MUC12: variants seen among roughly 807,000 people sequenced by gnomAD.
MUC12 encodes the protein mucin-12.
MUC12 carries 172 observed loss-of-function variants against 230.8 expected under a neutral mutation model. That is an observed-to-expected ratio of 0.75 (90% CI 0.66 to 0.85). The LOEUF (loss-of-function observed/expected upper bound fraction) is 0.85, where lower values mean the gene tolerates loss of function less well. Among genes scored for constraint, MUC12 ranks in the 40% least tolerant of loss-of-function variants. MUC12 has a pLI of 0.00. For missense variants in MUC12, 3,506 were observed against 5,920.6 expected (o/e 0.59, Z 13.38); for synonymous variants, 1,259 against 2,401.9 (o/e 0.52, Z 13.91).
chr7:100,981,350 T>G, intron 1 of MUC12: 1 of 611,474 alleles, frequency 1.6e-6, no homozygotes, highest in Non-Finnish European at 2.9e-6. Flanking sequence ...CAGAGCATGG[T>G]TCCCTTGTCC....
intron 1 of MUC12, among the ~76,000 whole-genome samples, chr7:100,987,528 A>G (rs1290625697): frequency 6.6e-6 from 1 of 152,160 alleles, no homozygotes; most frequent in Non-Finnish European, 1.5e-5. Flanking sequence ...TCCTCACCCA[A>G]ATCTCATGTT....
intron 5 of MUC12, 32 bp from the exon 6 acceptor site, chr7:101,012,264 T>C (rs1793848663): frequency 6.5e-7 from 1 of 1,534,904 alleles, no homozygotes; most frequent in Non-Finnish European, 8.7e-7. Flanking sequence ...GGTGGTGACA[T>C]GGGTAACTGA....
Position 101,004,614 on chromosome 7 carries a change from C to A in MUC12, c.14051C>A (p.Thr4684Lys). 8.5e-6 allele frequency: 13 copies of A among 1,536,840 alleles called. No homozygotes were observed. Among genetic ancestry groups the A allele is most frequent in the Non-Finnish European group, 1.1e-5 (13 of 1,146,142 alleles). The part of the protein sequence containing the change: ...STTSGRSEES[T>K]ASHSSPDTNG... ...ACCTCCGGCCGTAGTGAGGAATCAA[C>A]AGCATCCCACAGCAGCCCAGATACA... is the stretch of plus-strand genomic sequence containing the variant. Residue 4684 changes from threonine (T) to lysine (K), a missense_variant, in exon 2 of 12, where the codon ACA (threonine) becomes AAA (lysine). Physicochemically the swap from Thr to Lys is moderately conservative, Grantham distance 78. Transcript: ENST00000536621.
intron 9 of MUC12, 128 bp downstream of exon 9, chr7:101,014,202 G>C (rs1584848234): frequency 8.7e-7 from 1 of 1,150,840 alleles, no homozygotes; most frequent in Non-Finnish European, 1.2e-6. Context: ...GAGGCCAGAT[G>C]GGGTGCCCAG....
At position 100,995,875 on chromosome 7, in the gene MUC12, C is replaced by T. The variant is rs779049768; in HGVS notation, c.5312C>T (p.Ala1771Val). 74 of 1,424,972 alleles carry T rather than the reference C, an allele frequency of 5.2e-5. No individual in the cohort carries two copies. Among genetic ancestry groups the T allele is most frequent in the Middle Eastern group, 2.1e-4 (1 of 4,664 alleles). 88.3% of individuals were successfully genotyped at this position (1,424,972 alleles called of 1,614,324 possible). The change falls in exon 2 of 12, where the codon GCG (alanine) becomes GTG (valine). Residue 1771 changes from alanine to valine, a missense_variant. Coordinates refer to ENST00000536621, the MANE Select transcript of MUC12 (RefSeq NM_001164462.2). ...TTSGLVEEST[A>V]YHSSPGSTQT... ...TCAGGCCTCGTTGAAGAATCTACGG[C>T]GTACCACAGCAGCCCGGGCTCAACT...
Position 100,991,656 on chromosome 7 carries a change from C to G in MUC12, c.1093C>G (p.Pro365Ala). Reference protein sequence around the residue: ...VEESTAYHRSPGSTQTMHFPE... With the variant: ...VEESTAYHRSAGSTQTMHFPE... The stretch of plus-strand genomic sequence containing the variant: ...AGAATCTACAGCCTACCACAGGAGC[C>G]CGGGCTCAACTCAAACAATGCACTT... The change falls in exon 2 of 12, where the codon CCG becomes GCG. Residue 365 changes from proline (P) to alanine (A), a missense_variant. Physicochemically the swap from Pro to Ala is conservative, Grantham distance 27 (BLOSUM62 -1). Transcript: ENST00000536621. 1 of 1,537,232 alleles carries G rather than the reference C, an allele frequency of 6.5e-7. No homozygotes were observed. The highest frequency in any genetic ancestry group is 8.7e-7 in the Non-Finnish European group (1 of 1,146,484).
At chr7:100,973,644 G>A (rs1047230149) in intron 1 of MUC12, among the ~76,000 whole-genome samples, 6 of 152,114 alleles carry the variant, frequency 3.9e-5, no homozygotes, top group Admixed American at 3.9e-4. Context: ...ACTTCCTAAA[G>A]TGCAGGAACT....
intron 3 of MUC12, among the ~76,000 whole-genome samples, chr7:101,006,944 C>A (rs1268623597): frequency 6.6e-6 from 1 of 152,014 alleles, no homozygotes; most frequent in East Asian, 1.9e-4. Flanking sequence ...TCCTACGGTA[C>A]TATTTTAGTT....
intron 1 of MUC12, among the ~76,000 whole-genome samples, chr7:100,984,857 C>G (rs1207600482): frequency 6.6e-6 from 1 of 152,072 alleles, no homozygotes; most frequent in Non-Finnish European, 1.5e-5. Context: ...ATCTTGCTGG[C>G]CGTGGGATCT....
chr7:101,004,946 A>T lies in MUC12; in HGVS notation c.14383A>T (p.Thr4795Ser), dbSNP rs138026876. 1 of 1,537,856 alleles carries T rather than the reference A, an allele frequency of 6.5e-7. No individual in the cohort carries two copies. The highest frequency in any genetic ancestry group is 2.4e-5 in the East Asian group (1 of 40,922). Residue 4795 changes from threonine (T) to serine (S), a missense_variant, in exon 2 of 12, where the codon ACA becomes TCA. Thr to Ser is a moderately conservative substitution (Grantham distance 58). Coordinates refer to ENST00000536621, the MANE Select transcript of MUC12 (RefSeq NM_001164462.2). The stretch of plus-strand genomic sequence containing the variant: ...CACCTCAGGCCTCAGTCAGGAATCA[A>T]CAACTTTCCACAGTAAGCCAGGCTC... ...TTTSGLSQES[T>S]TFHSKPGSTE...
chr7:101,009,071 C>A (rs576869486), intron 4 of MUC12, 24 bp from the exon 5 acceptor site: 1 of 1,537,092 alleles, frequency 6.5e-7, no homozygotes, highest in Admixed American at 2.0e-5. Flanking sequence ...CTTTGTGTGA[C>A]CTTCGCTGCC....
chr7:101,005,718 C>T (rs1031967326), intron 2 of MUC12, among the ~76,000 whole-genome samples, 199 bp downstream of exon 2: 5 of 152,148 alleles, frequency 3.3e-5, no homozygotes, highest in African/African-American at 1.2e-4. Context: ...TGTATGATGA[C>T]AATCTCTCCT....
chr7:100,975,759 T>G (rs1379534008), intron 1 of MUC12, among the ~76,000 whole-genome samples: 3 of 152,234 alleles, frequency 2.0e-5, no homozygotes, highest in Admixed American at 6.5e-5. Flanking sequence ...AGTATTATAT[T>G]AACAGATGCT....
intron 5 of MUC12, among the ~76,000 whole-genome samples, chr7:101,011,769 A>G (rs1453946477): frequency 6.6e-6 from 1 of 152,088 alleles, no homozygotes; most frequent in Non-Finnish European, 1.5e-5. Context: ...AATAGACCAC[A>G]TTTGTTTCTC....
chr7:101,018,392 TCCTCACCCTGGGGCCAC>T (rs1793988019), intron 11 of MUC12, among the ~76,000 whole-genome samples, 186 bp from the exon 12 acceptor site: 1 of 14,668 alleles, frequency 6.8e-5, no homozygotes, highest in Non-Finnish European at 1.4e-4. Flanking sequence ...CAGGACTCCC[TCCTCACCCTGGGGCCAC>T]CCCTTCCCCT....
At position 100,991,844 on chromosome 7, in the gene MUC12, C is replaced by A; in HGVS notation, c.1281C>A (p.Ser427Arg). The A allele has an allele frequency of 6.5e-7, 1 of 1,537,698 alleles. No individual in the cohort carries two copies. The highest frequency in any genetic ancestry group is 1.2e-5 in the South Asian group (1 of 84,040). ...CTGAAACAACACACTTCCGTGATAG[C>A]TCCACAATCTCAGGCCGTAGTGAGG... is the stretch of plus-strand genomic sequence containing the variant. ...GSTETTHFRD[S>R]STISGRSEES... Residue 427 changes from serine to arginine, a missense_variant, in exon 2 of 12, where the codon AGC (serine) becomes AGA (arginine). Ser to Arg is a moderately radical substitution (Grantham distance 110, BLOSUM62 -1). Transcript: ENST00000536621.
intron 1 of MUC12, among the ~76,000 whole-genome samples, chr7:100,976,332 G>T (rs1212609809): frequency 6.6e-6 from 1 of 150,722 alleles, no homozygotes; most frequent in Non-Finnish European, 1.5e-5. Flanking sequence ...TCGGCCAGGC[G>T]TGGTGGCTCA....
chr7:100,992,409 C>G lies in MUC12; in HGVS notation c.1846C>G (p.His616Asp). 1 of 1,537,564 alleles carries G rather than the reference C, an allele frequency of 6.5e-7. No homozygotes were observed. Among genetic ancestry groups the G allele is most frequent in the Non-Finnish European group, 8.7e-7 (1 of 1,146,736 alleles). The change falls in exon 2 of 12, where the codon CAC becomes GAC. Residue 616 changes from histidine to aspartate, a missense_variant. By Grantham distance (81) the His-to-Asp change is moderately conservative (BLOSUM62 -1). Coordinates refer to ENST00000536621, the MANE Select transcript of MUC12 (RefSeq NM_001164462.2). ...CGTCCACAGCAGCACCAGATCGCCACACACAACACTGTCCCCTGCCGGCTC... is the reference window on the plus strand; with the variant it reads ...CGTCCACAGCAGCACCAGATCGCCAGACACAACACTGTCCCCTGCCGGCTC... ...MPVHSSTRSPHTTLSPAGSTT... is the reference protein window; with the variant it reads ...MPVHSSTRSPDTTLSPAGSTT...
intron 5 of MUC12, among the ~76,000 whole-genome samples, chr7:101,009,687 T>G (rs1793812082): frequency 6.6e-6 from 1 of 151,678 alleles, no homozygotes; most frequent in African/African-American, 2.4e-5. Context: ...AAAAAAAATG[T>G]AACAGCAAAA....
Sources: allele counts gnomAD v4.1 joint callset (sites outside exome capture counted in the v4.1 genomes callset), GRCh38; gene constraint gnomAD v4.1.1; transcripts MANE v1.5; gene names NCBI Gene and HGNC (gene_info 2026-07-23, HGNC 2026-07-21).